TNXB: variants seen among roughly 807,000 people sequenced by gnomAD.
TNXB encodes the protein tenascin XB.
A neutral mutation model predicts 340.5 loss-of-function variants in TNXB; 183 were observed. The ratio of observed to expected loss-of-function variants is 0.54; its 90% CI spans 0.48 to 0.61. The LOEUF (loss-of-function observed/expected upper bound fraction) is 0.61. Among genes scored for constraint, TNXB ranks in the 20% least tolerant of loss-of-function variants. The probability of loss-of-function intolerance (pLI) is 0.00; values close to 1 mark genes in which losing one functional copy is unlikely to be tolerated. For missense variants in TNXB, 4,613 were observed against 5,446.4 expected, an observed-to-expected ratio of 0.85 and a Z score of 4.82; for synonymous variants, 2,121 against 2,314.5, an observed-to-expected ratio of 0.92 and a Z score of 2.40.
chr6:32,105,910 G>A (rs1780953880), intron 1 of TNXB, among the ~76,000 whole-genome samples: 1 of 152,072 alleles, frequency 6.6e-6, no homozygotes, highest in Non-Finnish European at 1.5e-5. Context: ...AATAAATTGT[G>A]GTTTATTCAC....
rs1263362579 is a variant in TNXB at position 32,061,533 on chromosome 6, G to C, written c.7356C>G (p.Pro2452=). 1 of 1,613,598 alleles carries C rather than the reference G, an allele frequency of 6.2e-7. No homozygotes were observed. Among genetic ancestry groups the C allele is most frequent in the South Asian group, 1.1e-5 (1 of 91,080 alleles). ...CCTCGCCCCCAACACGCACCACCTG[G>C]GGCCGCCCGTCCCTGTCCTTGTACT... ...TVQYKDRDGR[P]QVVRVGGEES... The change falls in exon 21 of 44, where the codon CCC becomes CCG. Residue 2452 remains proline (P), a synonymous_variant. Coordinates refer to ENST00000644971, the MANE Select transcript of TNXB (RefSeq NM_001365276.2). This position sits in a 1 kb window ranked among gnomAD's most constrained non-coding sequence, Gnocchi z 4.4.
In TNXB at chr6:32,042,441, C is replaced by A; in HGVS notation, c.12210+14G>T. 6.2e-7 allele frequency: 1 copy of A among 1,611,168 alleles called. No homozygotes were observed. The highest frequency in any genetic ancestry group is 8.5e-7 in the Non-Finnish European group (1 of 1,179,584). ...TGCCCTGCACAGACCCCTGGGCTTC[C>A]CAATGCCACCCACCAGCCAGCCGCC... On this transcript the variant is annotated intron_variant, in intron 40 of 43. Transcript: ENST00000644971.
chr6:32,071,865 C>T, intron 13 of TNXB, 125 bp downstream of exon 13: 2 of 855,950 alleles, frequency 2.3e-6, no homozygotes, highest in South Asian at 1.9e-5. Context: ...AGTCACTGTG[C>T]TAGCCCCATG....
chr6:32,104,720 G>C (rs1780893940), intron 1 of TNXB, among the ~76,000 whole-genome samples: 1 of 151,592 alleles, frequency 6.6e-6, no homozygotes, highest in Non-Finnish European at 1.5e-5. Flanking sequence ...CTGCAGCATT[G>C]ACCTCCTGTT....
Position 32,082,876 on chromosome 6 carries a change from C to T in TNXB, c.3446-550G>A, listed in dbSNP as rs17207951. ...GCACTGACCCTTCACTCCCCAGCAG[C>T]TGTGCCATCAGCATTTCAACAAGCT... On this transcript the variant is annotated intron_variant, in intron 8 of 43. Coordinates refer to ENST00000644971, the MANE Select transcript of TNXB (RefSeq NM_001365276.2). This position sits in a 1 kb window ranked among gnomAD's most constrained non-coding sequence, Gnocchi z 5.0. 0.26 allele frequency among the ~76,000 whole-genome samples: 38,976 copies of T among 152,056 alleles called. 6,416 individuals carry two copies. The highest frequency in any genetic ancestry group is 0.38 in the Admixed American group (5,728 of 15,260).
Position 32,068,537 on chromosome 6 carries a change from C to T in TNXB, c.6073G>A (p.Asp2025Asn), listed in dbSNP as rs759414432. The T allele has an allele frequency of 1.2e-6, 2 of 1,614,016 alleles. No individual in the cohort carries two copies. The highest frequency in any genetic ancestry group is 1.7e-6 in the Non-Finnish European group (2 of 1,179,904). ...DHFLVQYRNGDGQPKAVRVPG... is the reference protein window; with the variant it reads ...DHFLVQYRNGNGQPKAVRVPG... ...ACCCTCACTGCCTTGGGCTGCCCAT[C>T]TCCATTCCTGTACTGGACCAGGAAG... Residue 2025 changes from aspartate to asparagine, a missense_variant, in exon 17 of 44, where the codon GAT (aspartate) becomes AAT (asparagine). By Grantham distance (23) the Asp-to-Asn change is conservative (BLOSUM62 1). This residue lies in a region of TNXB where 4,327 missense variants were observed against 4,859.4 expected (regional missense o/e 0.89). Coordinates refer to ENST00000644971, the MANE Select transcript of TNXB (RefSeq NM_001365276.2). This position sits in a 1 kb window ranked among gnomAD's most constrained non-coding sequence, Gnocchi z 5.3.
At chr6:32,101,497 G>C (rs1017539605) in intron 1 of TNXB, among the ~76,000 whole-genome samples, 14 of 151,840 alleles carry the variant, frequency 9.2e-5, no homozygotes, top group African/African-American at 3.4e-4. Flanking sequence ...CACCGTGTTA[G>C]CCAGGATGGT....
chr6:32,069,513 C>T lies in TNXB; in HGVS notation c.5587+40G>A, dbSNP rs375604924. On this transcript the variant is annotated intron_variant, in intron 15 of 43. Transcript: ENST00000644971. This position sits in a 1 kb window ranked among gnomAD's most constrained non-coding sequence, Gnocchi z 6.2. ...GCTCAGTCAGACCAGGAGAGCCAGG[C>T]GGGAAGGAGGCACAGGTGTTCCAGC... 5 of 1,515,556 alleles carry T rather than the reference C, an allele frequency of 3.3e-6. No individual in the cohort carries two copies. Among genetic ancestry groups the T allele is most frequent in the South Asian group, 1.3e-5 (1 of 74,726 alleles). 93.9% of individuals were successfully genotyped at this position (1,515,556 alleles called of 1,614,324 possible). A position where few individuals can be genotyped will look rare whatever the true frequency, so the allele number is the denominator to read the frequency against.
chr6:32,106,576 T>C (rs956057369), intron 1 of TNXB, among the ~76,000 whole-genome samples: 2 of 152,248 alleles, frequency 1.3e-5, no homozygotes, highest in East Asian at 1.9e-4. Context: ...AAAGGAGTAA[T>C]TGGGGCTACC....
chr6:32,079,395 T>G lies in TNXB; in HGVS notation c.4043-30A>C, dbSNP rs1418075062. On this transcript the variant is annotated intron_variant, in intron 10 of 43. Transcript: ENST00000644971. The surrounding 1 kb of genome is among the most constrained non-coding windows in gnomAD (Gnocchi z 7.1). ...GAGAAGAGATAGAGGCATAAAGGGCTGCTGGCTTTGCTGCTGCTGCCCACA... is the reference window on the plus strand; with the variant it reads ...GAGAAGAGATAGAGGCATAAAGGGCGGCTGGCTTTGCTGCTGCTGCCCACA... 1 of 1,527,050 alleles carries G rather than the reference T, an allele frequency of 6.5e-7. No individual in the cohort carries two copies. The highest frequency in any genetic ancestry group is 8.9e-7 in the Non-Finnish European group (1 of 1,125,794). 94.6% of individuals were successfully genotyped at this position (1,527,050 alleles called of 1,614,324 possible).
At chr6:32,103,232 C>T (rs1349754335) in intron 1 of TNXB, among the ~76,000 whole-genome samples, 3 of 151,284 alleles carry the variant, frequency 2.0e-5, no homozygotes, top group African/African-American at 7.3e-5. Flanking sequence ...ACCAGCCTGG[C>T]GATCATGCTG....
Position 32,052,989 on chromosome 6 carries a change from T to C in TNXB, c.8796A>G (p.Ala2932=). The C allele has an allele frequency of 6.2e-7, 1 of 1,610,444 alleles. No homozygotes were observed. Among genetic ancestry groups the C allele is most frequent in the Non-Finnish European group, 8.5e-7 (1 of 1,178,590 alleles). ...CTGTGGGGGCGGGAGTTTCTTCCTCTGCAGCTGAGAAGAGGGGACAGAGAA... is the reference window on the plus strand; with the variant it reads ...CTGTGGGGGCGGGAGTTTCTTCCTCCGCAGCTGAGAAGAGGGGACAGAGAA... ...GPISVIGVTA[A]EEETPAPTEP... Residue 2932 remains alanine, a synonymous_variant, in exon 26 of 44, where the codon GCA becomes GCG. Coordinates refer to ENST00000644971, the MANE Select transcript of TNXB (RefSeq NM_001365276.2). This position sits in a 1 kb window ranked among gnomAD's most constrained non-coding sequence, Gnocchi z 4.7.
rs1181940717 is a variant in TNXB, at chr6:32,049,935, C to A, written c.9439+63G>T. ...CCCTGTCCCATTCCCCACCAGTCAT[C>A]ACCAAAGAGCAAGAGGTGGCCCTCC... On this transcript the variant is annotated intron_variant, in intron 27 of 43. Coordinates refer to ENST00000644971, the MANE Select transcript of TNXB (RefSeq NM_001365276.2). This position sits in a 1 kb window ranked among gnomAD's most constrained non-coding sequence, Gnocchi z 4.5. 7 of 1,607,134 alleles carry A rather than the reference C, an allele frequency of 4.4e-6. No homozygotes were observed. The highest frequency in any genetic ancestry group is 6.0e-6 in the Non-Finnish European group (7 of 1,175,162).
chr6:32,061,387 C>T lies in TNXB; in HGVS notation c.7492+10G>A. On this transcript the variant is annotated intron_variant, in intron 21 of 43. Coordinates refer to ENST00000644971, the MANE Select transcript of TNXB (RefSeq NM_001365276.2). This position sits in a 1 kb window ranked among gnomAD's most constrained non-coding sequence, Gnocchi z 4.4. ...AAGGTGGTTACCCCGAGACTCCAAG[C>T]ACTACTCACCAGTCACGCCCACGGT... The T allele has an allele frequency of 6.2e-7, 1 of 1,609,792 alleles. No individual in the cohort carries two copies. Among genetic ancestry groups the T allele is most frequent in the Non-Finnish European group, 8.5e-7 (1 of 1,177,608 alleles).
intron 3 of TNXB, 83 bp from the exon 4 acceptor site, chr6:32,095,274 G>A (rs1042073463): frequency 6.6e-6 from 7 of 1,064,964 alleles, no homozygotes; most frequent in African/African-American, 3.1e-5. Context: ...CAGGGACATC[G>A]AAGAGGCCCA....
chr6:32,042,696 T>C lies in TNXB; in HGVS notation c.12058+3A>G, dbSNP rs2151881423. ...CCGGCCCCGGGCCCGTGCGTCCAGG[T>C]ACCCGTGGTGAAAGAGGTGGACACG... On this transcript the variant is annotated splice_donor_region_variant and intron_variant, in intron 39 of 43. Coordinates refer to ENST00000644971, the MANE Select transcript of TNXB (RefSeq NM_001365276.2). The C allele has an allele frequency of 8.6e-7, 1 of 1,166,688 alleles. No homozygotes were observed. The highest frequency in any genetic ancestry group is 1.2e-6 in the Non-Finnish European group (1 of 828,012). The allele number at this position is 1,166,688 out of a possible 1,614,324, so 72.3% of individuals were successfully genotyped here. A position where few individuals can be genotyped will look rare whatever the true frequency, so the allele number is the denominator to read the frequency against.
intron 1 of TNXB, among the ~76,000 whole-genome samples, chr6:32,105,787 G>A (rs1447609120): frequency 1.3e-5 from 2 of 152,172 alleles, no homozygotes; most frequent in Non-Finnish European, 2.9e-5. Flanking sequence ...TGTACTAAAG[G>A]TGAACACATG....
chr6:32,069,171 G>T lies in TNXB; in HGVS notation c.5588-35C>A. 6.4e-7 allele frequency: 1 copy of T among 1,567,056 alleles called. No individual in the cohort carries two copies. The highest frequency in any genetic ancestry group is 1.7e-5 in the Admixed American group (1 of 57,376). ...AGAGACAGGTAGAGACAGATGGCTG[G>T]TGTGTCGCTGCACCCAGACTCTCAG... On this transcript the variant is annotated intron_variant, in intron 15 of 43. Coordinates refer to ENST00000644971, the MANE Select transcript of TNXB (RefSeq NM_001365276.2). This position sits in a 1 kb window ranked among gnomAD's most constrained non-coding sequence, Gnocchi z 6.2.
At chr6:32,041,632 C>G in intron 43 of TNXB, 139 bp downstream of exon 43, 3 of 1,098,980 alleles carry the variant, frequency 2.7e-6, no homozygotes, top group Non-Finnish European at 2.7e-6. Context: ...TAAATCAACT[C>G]CAGCTCCCTC....
Sources: allele counts gnomAD v4.1 joint callset (sites outside exome capture counted in the v4.1 genomes callset), GRCh38; gene constraint gnomAD v4.1.1; regional missense constraint gnomAD v4.1.1; non-coding constraint Gnocchi (gnomAD v3.1); transcripts MANE v1.5; gene names NCBI Gene and HGNC (gene_info 2026-07-23, HGNC 2026-07-21).